PKN2: variants seen among roughly 807,000 people sequenced by gnomAD.
PKN2 encodes protein kinase N2, also known as serine/threonine-protein kinase N2.
A neutral mutation model predicts 119.1 loss-of-function variants in PKN2; 38 were observed. The ratio of observed to expected loss-of-function variants is 0.32; its 90% confidence interval spans 0.25 to 0.42. The LOEUF is 0.42. PKN2 is among the 10% of genes least tolerant of loss of function. The probability of loss-of-function intolerance (pLI) is 1.00; values close to 1 mark genes in which losing one functional copy is unlikely to be tolerated. For missense variants in PKN2, 850 were observed against 1,165.1 expected (o/e 0.73, Z 3.94); for synonymous variants, 390 against 384.9 (o/e 1.01, Z -0.15).
At chr1:88,728,511 G>T (rs1353744645) in intron 1 of PKN2, among the ~76,000 whole-genome samples, 1 of 151,676 alleles carries the variant, frequency 6.6e-6, no homozygotes, top group Non-Finnish European at 1.5e-5. Context: ...TGAGTGTAAG[G>T]GTTATTTTGT....
intron 17 of PKN2, among the ~76,000 whole-genome samples, chr1:88,823,879 C>T (rs1346573727): frequency 3.4e-5 from 5 of 148,724 alleles, no homozygotes; most frequent in African/African-American, 5.0e-5. Context: ...TGTAGTGGCA[C>T]GCGACTGTAG....
At chr1:88,715,499 G>A (rs1667411150) in intron 1 of PKN2, among the ~76,000 whole-genome samples, 1 of 152,050 alleles carries the variant, frequency 6.6e-6, no homozygotes, top group South Asian at 2.1e-4. Flanking sequence ...GTCTTGGGAG[G>A]GTGTATGTGT....
chr1:88,698,843 C>A (rs13375137), intron 1 of PKN2, among the ~76,000 whole-genome samples: 16 of 151,976 alleles, frequency 1.1e-4, no homozygotes, highest in Admixed American at 1.0e-3. Flanking sequence ...CTTCTGTTTT[C>A]CCTTCTTCAT....
chr1:88,704,700 G>GA (rs1367463376), intron 1 of PKN2, among the ~76,000 whole-genome samples: 1 of 149,276 alleles, frequency 6.7e-6, no homozygotes, highest in East Asian at 2.0e-4. Flanking sequence ...ATGATGAATT[G>GA]AGCCTGGGAG....
At chr1:88,711,667 A>G (rs183483629) in intron 1 of PKN2, among the ~76,000 whole-genome samples, 2 of 152,266 alleles carry the variant, frequency 1.3e-5, no homozygotes, top group South Asian at 2.1e-4. Flanking sequence ...TGTATTTGGA[A>G]TGTTTGTAGA....
chr1:88,833,212 A>T (rs773058459), intron 21 of PKN2, 33 bp from the exon 22 acceptor site: 6 of 1,578,244 alleles, frequency 3.8e-6, no homozygotes, highest in Non-Finnish European at 5.2e-6. Context: ...GATTTAACAA[A>T]CTAAACTAGT....
chr1:88,764,986 G>T (rs1451387341), intron 3 of PKN2, among the ~76,000 whole-genome samples: 1 of 151,966 alleles, frequency 6.6e-6, no homozygotes, highest in African/African-American at 2.4e-5. Flanking sequence ...GTGCAGTGGC[G>T]CAATTGGCTC....
At chr1:88,701,698 T>C (rs1003164339) in intron 1 of PKN2, among the ~76,000 whole-genome samples, 7 of 152,262 alleles carry the variant, frequency 4.6e-5, no homozygotes, top group Admixed American at 3.9e-4. Context: ...TTGGGATTAC[T>C]GTAACTGGTT....
chr1:88,744,352 A>T (rs975470148), intron 2 of PKN2, among the ~76,000 whole-genome samples: 3 of 152,202 alleles, frequency 2.0e-5, no homozygotes, highest in African/African-American at 4.8e-5. Context: ...CAAATGACTG[A>T]AGGAAAGAGG....
chr1:88,781,764 T>A (rs1037636563), intron 6 of PKN2, among the ~76,000 whole-genome samples: 14 of 152,112 alleles, frequency 9.2e-5, no homozygotes, highest in African/African-American at 3.4e-4. Context: ...TAGCCAGATG[T>A]TTTCAGTTTC....
At chr1:88,822,056 T>A in intron 17 of PKN2, 53 bp downstream of exon 17, 1 of 1,365,030 alleles carries the variant, frequency 7.3e-7, no homozygotes, top group Non-Finnish European at 9.7e-7. Context: ...GATTTAGAAT[T>A]AAAGATAGTA....
chr1:88,782,233 T>C (rs1670374633), intron 6 of PKN2, among the ~76,000 whole-genome samples: 1 of 152,180 alleles, frequency 6.6e-6, no homozygotes, highest in African/African-American at 2.4e-5. Flanking sequence ...TGGCTACTTT[T>C]AGTGTTTCTT....
At chr1:88,774,621 G>GT (rs577620806) in intron 6 of PKN2, among the ~76,000 whole-genome samples, 100 of 145,824 alleles carry the variant, frequency 6.9e-4, no homozygotes, top group Middle Eastern at 3.6e-3. Flanking sequence ...CATTTTGCGG[G>GT]TTTTTTTTTT....
At chr1:88,828,455 A>G (rs1459754957) in intron 18 of PKN2, 26 bp from the exon 19 acceptor site, 6 of 1,561,612 alleles carry the variant, frequency 3.8e-6, no homozygotes, top group Non-Finnish European at 5.2e-6. Context: ...CTTTGCTAAC[A>G]AATGTTTACA....
chr1:88,761,769 A>G (rs889605434), intron 3 of PKN2, among the ~76,000 whole-genome samples: 1 of 152,038 alleles, frequency 6.6e-6, no homozygotes, highest in Non-Finnish European at 1.5e-5. Context: ...ATTTGTTCCT[A>G]TTTACTTATG....
At chr1:88,769,332 C>T (rs1669793039) in intron 3 of PKN2, among the ~76,000 whole-genome samples, 1 of 152,092 alleles carries the variant, frequency 6.6e-6, no homozygotes, top group Non-Finnish European at 1.5e-5. Flanking sequence ...CTGTTTTCTA[C>T]CTTTCTTAGC....
intron 12 of PKN2, 136 bp downstream of exon 12, chr1:88,806,153 GTTTTTGTTTTTGT>G: frequency 1.3e-6 from 1 of 779,894 alleles, no homozygotes; most frequent in Non-Finnish European, 2.0e-6. Flanking sequence ...TTTGTTTTTT[GTTTTTGTTTTTGT>G]TTTTTGAGAC....
chr1:88,748,384 G>A (rs756611698), intron 2 of PKN2, among the ~76,000 whole-genome samples: 3 of 152,026 alleles, frequency 2.0e-5, no homozygotes, highest in Non-Finnish European at 4.4e-5. Context: ...TCCGCATATT[G>A]CCTTTGAAAT....
intron 1 of PKN2, among the ~76,000 whole-genome samples, chr1:88,702,028 G>T (rs1197888632): frequency 6.6e-6 from 1 of 152,052 alleles, no homozygotes; most frequent in African/African-American, 2.4e-5. Flanking sequence ...GCGCAATCCG[G>T]GCTCACTGCA....
Sources: gnomAD v4.1 joint callset for allele counts (sites outside exome capture counted in the v4.1 genomes callset) on GRCh38, gnomAD v4.1.1 for gene constraint, MANE v1.5 for transcripts, NCBI Gene and HGNC (gene_info 2026-07-23, HGNC 2026-07-21) for gene names.